The following MGAT4C variants were observed in gnomAD, a reference collection of about 807,000 sequenced individuals.
MGAT4C encodes the protein MGAT4 family member C.
A neutral mutation model predicts 40.1 loss-of-function variants in MGAT4C; 19 were observed. That is an observed-to-expected ratio of 0.47 (90% CI 0.33 to 0.70). MGAT4C has a LOEUF of 0.70. Among genes scored for constraint, MGAT4C ranks in the 30% least tolerant of loss-of-function variants. The probability of loss-of-function intolerance (pLI) is 0.02; values close to 1 mark genes in which losing one functional copy is unlikely to be tolerated. For synonymous variants in MGAT4C, 181 were observed against 187.1 expected, an observed-to-expected ratio of 0.97 and a Z score of 0.27; for missense variants, 491 against 563.2, an observed-to-expected ratio of 0.87 and a Z score of 1.30.
intron 1 of MGAT4C, among the ~76,000 whole-genome samples, chr12:86,188,275 C>T (rs1430342460): frequency 6.6e-6 from 1 of 151,992 alleles, no homozygotes; most frequent in Non-Finnish European, 1.5e-5. Flanking sequence ...AGAACTGGAA[C>T]TGCATATGTT....
intron 3 of MGAT4C, among the ~76,000 whole-genome samples, chr12:86,395,771 A>T (rs548297890): frequency 6.6e-6 from 1 of 152,228 alleles, no homozygotes; most frequent in African/African-American, 2.4e-5. Flanking sequence ...TCTCAATACA[A>T]CTTCATCTAT....
intron 2 of MGAT4C, among the ~76,000 whole-genome samples, chr12:86,047,814 T>C (rs183858939): frequency 3.0e-4 from 46 of 152,222 alleles, no homozygotes; most frequent in Non-Finnish European, 4.4e-4. Flanking sequence ...TAGTATAAAA[T>C]TGGTCTTGGG....
At chr12:86,596,834 A>C (rs1961554916) in intron 2 of MGAT4C, among the ~76,000 whole-genome samples, 1 of 152,162 alleles carries the variant, frequency 6.6e-6, no homozygotes, top group Non-Finnish European at 1.5e-5. Context: ...AAAGATGATA[A>C]ATCCTAAGCC....
chr12:86,081,926 T>C (rs948402678), intron 1 of MGAT4C, among the ~76,000 whole-genome samples: 1 of 152,146 alleles, frequency 6.6e-6, no homozygotes, highest in Non-Finnish European at 1.5e-5. Context: ...TAAAAACATC[T>C]ACATTATAAA....
chr12:86,188,719 T>A (rs1889042049), intron 1 of MGAT4C, among the ~76,000 whole-genome samples: 1 of 151,996 alleles, frequency 6.6e-6, no homozygotes, highest in South Asian at 2.1e-4. Flanking sequence ...ACTAGTGTGA[T>A]TTTGTTAACT....
At chr12:86,663,473 T>C (rs1156510150) in intron 2 of MGAT4C, among the ~76,000 whole-genome samples, 1 of 148,898 alleles carries the variant, frequency 6.7e-6, no homozygotes, top group Non-Finnish European at 1.5e-5. Context: ...AGTGCCAGAG[T>C]ACGTGTGAAA....
At chr12:86,226,057 C>G (rs1389645910) in intron 1 of MGAT4C, among the ~76,000 whole-genome samples, 1 of 151,418 alleles carries the variant, frequency 6.6e-6, no homozygotes, top group Non-Finnish European at 1.5e-5. Flanking sequence ...AATAACAGAT[C>G]TATATAATTT....
chr12:86,273,537 A>T (rs1033949787), intron 4 of MGAT4C, among the ~76,000 whole-genome samples: 3 of 152,214 alleles, frequency 2.0e-5, no homozygotes, highest in Non-Finnish European at 4.4e-5. Context: ...TCTGCATGCA[A>T]CATACATAAT....
chr12:86,700,055 G>GATAGATAGATAGATAGATAGATAA lies in MGAT4C; in HGVS notation c.-229+27153_-229+27154insTTATCTATCTATCTATCTATCTAT, dbSNP rs1326075310. Among the ~76,000 whole-genome samples the GATAGATAGATAGATAGATAGATAA allele has an allele frequency of 3.1e-3, 466 of 151,782 alleles. 1 individual carries two copies. Among genetic ancestry groups the GATAGATAGATAGATAGATAGATAA allele is most frequent in the Admixed American group, 7.4e-3 (112 of 15,168 alleles). On this transcript the variant is annotated intron_variant, in intron 2 of 7. Transcript: ENST00000548651. Reference sequence around the variant, plus strand: ...AGATAAATAGATAGATAGATAGATAGATAGATAGATAAGATAGATAGATAA... The same window carrying GATAGATAGATAGATAGATAGATAA: ...AGATAAATAGATAGATAGATAGATAGATAGATAGATAGATAGATAGATAAATAGATAGATAAGATAGATAGATAA...
At chr12:86,059,405 A>G (rs1413360393) in intron 1 of MGAT4C, among the ~76,000 whole-genome samples, 1 of 152,026 alleles carries the variant, frequency 6.6e-6, no homozygotes, top group East Asian at 1.9e-4. Flanking sequence ...TCTTTGTTTT[A>G]ATATTTGATT....
chr12:86,313,229 G>A lies in MGAT4C; in HGVS notation c.-57+20836C>T, dbSNP rs545713378. On this transcript the variant is annotated intron_variant, in intron 4 of 7. Coordinates refer to the MGAT4C transcript ENST00000548651. ...CCAAATAAGCCATAATTTTTATCAG[G>A]GTACTTTTAAGTAATCTGTGTGAAA... Among the ~76,000 whole-genome samples, 5 of 151,956 alleles carry A rather than the reference G, an allele frequency of 3.3e-5. No homozygotes were observed. In the South Asian group the frequency reaches 1.0e-3, roughly 32 times the overall value.
At chr12:86,763,911 T>A (rs2559815) in intron 1 of MGAT4C, among the ~76,000 whole-genome samples, 18 of 152,264 alleles carry the variant, frequency 1.2e-4, no homozygotes, top group Non-Finnish European at 1.5e-4. Flanking sequence ...GAACAGCTCC[T>A]GTCTACAGCT....
At chr12:86,016,912 T>A (rs1432242413) in intron 2 of MGAT4C, among the ~76,000 whole-genome samples, 5 of 151,826 alleles carry the variant, frequency 3.3e-5, no homozygotes, top group Non-Finnish European at 7.4e-5. Flanking sequence ...ATTCTCTCAT[T>A]TTAAAAATTA....
At chr12:86,154,631 C>T (rs1884691637) in intron 1 of MGAT4C, among the ~76,000 whole-genome samples, 1 of 152,080 alleles carries the variant, frequency 6.6e-6, no homozygotes, top group Admixed American at 6.5e-5. Context: ...CGGAAATGGA[C>T]CTATTGGTTC....
chr12:86,658,117 A>G (rs1963893945), intron 2 of MGAT4C, among the ~76,000 whole-genome samples: 1 of 152,030 alleles, frequency 6.6e-6, no homozygotes, highest in South Asian at 2.1e-4. Flanking sequence ...ATATGCATGC[A>G]GATAGATATA....
At chr12:86,692,743 C>A (rs1464502314) in intron 2 of MGAT4C, among the ~76,000 whole-genome samples, 2 of 152,086 alleles carry the variant, frequency 1.3e-5, no homozygotes. Context: ...TCAGATCCAC[C>A]TATACAGTCT....
chr12:86,790,139 T>C (rs1951998256), intron 1 of MGAT4C, among the ~76,000 whole-genome samples: 1 of 152,138 alleles, frequency 6.6e-6, no homozygotes, highest in African/African-American at 2.4e-5. Flanking sequence ...ATTAAGTAGC[T>C]ACTCTGAGGT....
At chr12:86,183,705 G>C (rs61929486) in intron 1 of MGAT4C, among the ~76,000 whole-genome samples, 12,659 of 152,124 alleles carry the variant, frequency 0.083, 626 homozygotes, top group Middle Eastern at 0.22. Flanking sequence ...GGCTTGTAGA[G>C]GGTGGCCTTC....
At chr12:86,803,329 C>A (rs1952271107) in intron 1 of MGAT4C, among the ~76,000 whole-genome samples, 2 of 151,572 alleles carry the variant, frequency 1.3e-5, no homozygotes, top group Admixed American at 1.3e-4. Flanking sequence ...AAAACCTAGG[C>A]ATTACCATTC....
Sources: allele counts gnomAD v4.1 joint callset (sites outside exome capture counted in the v4.1 genomes callset), GRCh38; gene constraint gnomAD v4.1.1; transcripts MANE v1.5; gene names NCBI Gene and HGNC (gene_info 2026-07-23, HGNC 2026-07-21).